PKD2: variants seen among roughly 807,000 people sequenced by gnomAD.
PKD2 encodes polycystin 2, transient receptor potential cation channel.
In PKD2, 48 loss-of-function variants were observed where a neutral mutation model predicts 105.9. The ratio of observed to expected loss-of-function variants is 0.45; its 90% CI spans 0.36 to 0.58. The LOEUF (loss-of-function observed/expected upper bound fraction) is 0.58. Among genes scored for constraint, PKD2 ranks in the 20% least tolerant of loss-of-function variants. The probability of loss-of-function intolerance (pLI) is 0.00; values close to 1 mark genes in which losing one functional copy is unlikely to be tolerated. For missense variants in PKD2, 1,078 were observed against 1,255.3 expected (o/e 0.86, Z 2.13); for synonymous variants, 464 against 481.1 (o/e 0.96, Z 0.46).
At chr4:88,048,059 A>G (rs1429408011) in intron 6 of PKD2, among the ~76,000 whole-genome samples, 2 of 152,194 alleles carry the variant, frequency 1.3e-5, no homozygotes, top group Non-Finnish European at 2.9e-5. Context: ...AACAGGTAAC[A>G]TTTCGCTAAG....
chr4:88,061,820 CAAA>C (rs1720584651), intron 9 of PKD2, 83 bp from the exon 10 acceptor site: 1 of 738,356 alleles, frequency 1.4e-6, no homozygotes, highest in Non-Finnish European at 2.5e-6. Flanking sequence ...AAAGGATAAA[CAAA>C]AAGGCATGTG....
At position 88,036,519 on chromosome 4, in the gene PKD2, G is replaced by A. The variant is rs1727341721; in HGVS notation, c.843+166G>A. 4.6e-6 allele frequency: 3 copies of A among 649,944 alleles called. No individual in the cohort carries two copies. The South Asian group carries it at 2.0e-4, about 44-fold the overall frequency. The allele number at this position is 649,944 out of a possible 1,614,324, so 40.3% of individuals were successfully genotyped here. The stretch of plus-strand genomic sequence containing the variant: ...AGTTACTGTTCCTACTCTCAAAGGG[G>A]GTAAACTAACATTGAGAACTTTGCC... On this transcript the variant is annotated intron_variant, in intron 3 of 14. Transcript: ENST00000237596.
Position 88,008,132 on chromosome 4 carries a change from C to T in PKD2, c.399C>T (p.Ser133=). ...RRSAASSAVS[S]VGARSRGLGG... is the part of the protein sequence containing the mutation. The stretch of plus-strand genomic sequence containing the variant: ...CGGCCGCCTCCTCGGCCGTGAGCTC[C>T]GTGGGCGCGCGGAGCCGGGGGCTTG... The change falls in exon 1 of 15, where the codon TCC becomes TCT. Residue 133 remains serine, a synonymous_variant. Transcript: ENST00000237596. The T allele has an allele frequency of 2.0e-6, 3 of 1,489,622 alleles. No individual in the cohort carries two copies. Among genetic ancestry groups the T allele is most frequent in the Middle Eastern group, 1.9e-4 (1 of 5,152 alleles). The allele number at this position is 1,489,622 out of a possible 1,614,324, so 92.3% of individuals were successfully genotyped here. A position where few individuals can be genotyped will look rare whatever the true frequency, so the allele number is the denominator to read the frequency against.
intron 2 of PKD2, among the ~76,000 whole-genome samples, chr4:88,029,352 A>G (rs1207717856): frequency 6.6e-6 from 1 of 152,190 alleles, no homozygotes; most frequent in Non-Finnish European, 1.5e-5. Context: ...CTTGCGTGCC[A>G]GTGACTCCAC....
At chr4:88,023,987 C>G (rs758972008) in intron 2 of PKD2, among the ~76,000 whole-genome samples, 12 of 152,114 alleles carry the variant, frequency 7.9e-5, no homozygotes, top group Non-Finnish European at 1.6e-4. Flanking sequence ...ATTAAGTAAT[C>G]TCACTTTCTC....
chr4:88,039,016 AG>A (rs1727449391), intron 4 of PKD2, among the ~76,000 whole-genome samples: 2 of 152,206 alleles, frequency 1.3e-5, no homozygotes, highest in Non-Finnish European at 2.9e-5. Context: ...GCATATTTAC[AG>A]GGGCTTTTTG....
chr4:88,053,423 G>A (rs1720189063), intron 7 of PKD2, among the ~76,000 whole-genome samples: 1 of 152,156 alleles, frequency 6.6e-6, no homozygotes, highest in African/African-American at 2.4e-5. Context: ...CATTTTGGGA[G>A]GCCGAGATAG....
chr4:88,035,116 A>G (rs1182978282), intron 2 of PKD2, among the ~76,000 whole-genome samples: 1 of 152,194 alleles, frequency 6.6e-6, no homozygotes, highest in Non-Finnish European at 1.5e-5. Context: ...ATCTTACTGA[A>G]GAGGAAACTG....
chr4:88,039,765 C>T (rs891223486), intron 4 of PKD2, among the ~76,000 whole-genome samples: 17 of 151,742 alleles, frequency 1.1e-4, no homozygotes, highest in Middle Eastern at 3.4e-3. Context: ...ATAGTGATTT[C>T]GCTTTCTTTA....
intron 9 of PKD2, among the ~76,000 whole-genome samples, chr4:88,059,878 T>C (rs1249861458): frequency 1.3e-5 from 2 of 152,174 alleles, no homozygotes; most frequent in African/African-American, 2.4e-5. Context: ...TCTGAGCCGA[T>C]TGCCTGGTAT....
chr4:88,038,615 T>C, intron 4 of PKD2, 114 bp downstream of exon 4: 1 of 1,108,754 alleles, frequency 9.0e-7, no homozygotes, highest in South Asian at 1.3e-5. Context: ...ATAAGTTCAG[T>C]GACTCTTCAG....
chr4:88,052,187 T>G, intron 7 of PKD2, 29 bp downstream of exon 7: 5 of 1,346,556 alleles, frequency 3.7e-6, no homozygotes, highest in Non-Finnish European at 4.2e-6. Context: ...GTTCTACATT[T>G]TAAATAATAT....
intron 2 of PKD2, among the ~76,000 whole-genome samples, chr4:88,021,179 T>TGTACGTAA (rs1726735530): frequency 6.6e-6 from 1 of 152,190 alleles, no homozygotes; most frequent in Non-Finnish European, 1.5e-5. Flanking sequence ...AGGTAACCCC[T>TGTACGTAA]GTACGTAAGT....
At chr4:88,018,025 TG>T (rs1280088130) in intron 1 of PKD2, among the ~76,000 whole-genome samples, 1 of 152,228 alleles carries the variant, frequency 6.6e-6, no homozygotes, top group African/African-American at 2.4e-5. Flanking sequence ...TAATTTTCCA[TG>T]TCATCTAAAT....
intron 1 of PKD2, among the ~76,000 whole-genome samples, chr4:88,018,471 A>G (rs1726636476): frequency 6.6e-6 from 1 of 152,214 alleles, no homozygotes; most frequent in African/African-American, 2.4e-5. Flanking sequence ...AAAGCATGAG[A>G]CAACATGCAA....
chr4:88,070,633 G>GAGAGAA, intron 13 of PKD2, among the ~76,000 whole-genome samples: 1 of 147,024 alleles, frequency 6.8e-6, no homozygotes, highest in African/African-American at 2.5e-5. Flanking sequence ...GAGAGAAAGA[G>GAGAGAA]AGAGAGAGAG....
At chr4:88,035,674 CA>C (rs1404081605) in intron 2 of PKD2, among the ~76,000 whole-genome samples, 1 of 152,164 alleles carries the variant, frequency 6.6e-6, no homozygotes, top group African/African-American at 2.4e-5. Context: ...CCCCAAAGGG[CA>C]AAGGATTCCA....
intron 4 of PKD2, among the ~76,000 whole-genome samples, chr4:88,042,983 G>T (rs1241892669): frequency 1.3e-5 from 2 of 152,122 alleles, no homozygotes; most frequent in African/African-American, 2.4e-5. Context: ...CCTGGCATTG[G>T]TTCCCGAGTC....
intron 2 of PKD2, among the ~76,000 whole-genome samples, chr4:88,029,526 T>C (rs1727072043): frequency 6.6e-6 from 1 of 152,168 alleles, no homozygotes; most frequent in African/African-American, 2.4e-5. Context: ...GGTGTCATCC[T>C]AGATGCTTTC....
Sources: allele counts gnomAD v4.1 joint callset (sites outside exome capture counted in the v4.1 genomes callset), GRCh38; gene constraint gnomAD v4.1.1; transcripts MANE v1.5; gene names NCBI Gene and HGNC (gene_info 2026-07-23, HGNC 2026-07-21).